HEATR3: variants seen among roughly 807,000 people sequenced by gnomAD.
HEATR3 encodes HEAT repeat containing 3, also known as HEAT repeat-containing protein 3.
HEATR3 carries 56 observed loss-of-function variants against 72.8 expected under a neutral mutation model. That is an observed-to-expected ratio of 0.77 (90% CI 0.62 to 0.96). HEATR3 has a LOEUF of 0.96. Among genes scored for constraint, HEATR3 ranks in the 40% least tolerant of loss-of-function variants. The pLI, the probability that HEATR3 is intolerant of heterozygous loss-of-function variation, is 0.00. For missense variants in HEATR3, 747 were observed against 831.4 expected (o/e 0.90, Z 1.25); for synonymous variants, 331 against 318.1 (o/e 1.04, Z -0.43).
chr16:50,104,987 C>T lies in HEATR3; in HGVS notation c.1969C>T (p.Leu657Phe), dbSNP rs1490615398. The change falls in exon 15 of 15, where the codon CTT becomes TTT. Residue 657 changes from leucine (L) to phenylalanine (F), a missense_variant. Coordinates refer to ENST00000299192, the MANE Select transcript of HEATR3 (RefSeq NM_182922.4). ...GNYSTDQLCV[L>F]DNVKMNLRRF... is the part of the protein sequence containing the mutation. ...CTATAGCACAGATCAGCTGTGTGTTCTTGACAATGTGAAAATGAATTTGCG... is the reference window on the plus strand; with the variant it reads ...CTATAGCACAGATCAGCTGTGTGTTTTTGACAATGTGAAAATGAATTTGCG... 2 of 1,612,636 alleles carry T rather than the reference C, an allele frequency of 1.2e-6. No individual in the cohort carries two copies. The highest frequency in any genetic ancestry group is 1.3e-5 in the African/African-American group (1 of 74,836).
At chr16:50,095,754 T>C (rs767186101) in intron 12 of HEATR3, among the ~76,000 whole-genome samples, 20 of 152,256 alleles carry the variant, frequency 1.3e-4, no homozygotes, top group Non-Finnish European at 2.2e-4. Context: ...ATTAGCGTCC[T>C]GTCATTCTTG....
At chr16:50,078,567 A>G (rs893980124) in intron 6 of HEATR3, among the ~76,000 whole-genome samples, 174 bp from the exon 7 acceptor site, 7 of 152,186 alleles carry the variant, frequency 4.6e-5, no homozygotes, top group Non-Finnish European at 8.8e-5. Flanking sequence ...GGTTATAACT[A>G]AGGGCACTGC....
At chr16:50,081,431 C>T (rs537278744) in intron 7 of HEATR3, among the ~76,000 whole-genome samples, 132 of 151,828 alleles carry the variant, frequency 8.7e-4, no homozygotes, top group Admixed American at 1.5e-3. Context: ...GGCAACTGAG[C>T]GAGACTCTGT....
intron 6 of HEATR3, among the ~76,000 whole-genome samples, chr16:50,076,488 T>A (rs1597145079): frequency 6.6e-6 from 1 of 152,004 alleles, no homozygotes; most frequent in Non-Finnish European, 1.5e-5. Context: ...GCGCCTGGCC[T>A]GTTTTTTTAT....
At chr16:50,085,852 A>G (rs1443847379) in intron 10 of HEATR3, among the ~76,000 whole-genome samples, 2 of 152,124 alleles carry the variant, frequency 1.3e-5, no homozygotes, top group Non-Finnish European at 2.9e-5. Context: ...CAACATAGCA[A>G]GACCCCTATC....
At chr16:50,100,742 T>C in intron 13 of HEATR3, 1 of 236,522 alleles carries the variant, frequency 4.2e-6, no homozygotes, top group South Asian at 5.4e-5. Context: ...ATCCACACCA[T>C]TTTCCTTGCA....
chr16:50,082,553 C>A (rs919864811), intron 7 of HEATR3, among the ~76,000 whole-genome samples: 1 of 148,948 alleles, frequency 6.7e-6, no homozygotes, highest in African/African-American at 2.5e-5. Context: ...CCCTGAGCTA[C>A]GTCTATTGAA....
intron 5 of HEATR3, chr16:50,074,665 A>G (rs2036683505): frequency 6.6e-6 from 1 of 151,644 alleles, no homozygotes; most frequent in African/African-American, 2.4e-5. Flanking sequence ...ATAAACATTT[A>G]TAGTAACGAC....
intron 6 of HEATR3, among the ~76,000 whole-genome samples, chr16:50,078,127 T>G (rs931386728): frequency 6.6e-6 from 1 of 152,122 alleles, no homozygotes; most frequent in Non-Finnish European, 1.5e-5. Flanking sequence ...TCCTCCCACC[T>G]TGGCCTCCCA....
intron 12 of HEATR3, among the ~76,000 whole-genome samples, chr16:50,095,856 T>C (rs2037223108): frequency 6.6e-6 from 1 of 152,214 alleles, no homozygotes; most frequent in South Asian, 2.1e-4. Context: ...TATTTTATTA[T>C]GTAGTTCAGT....
At chr16:50,104,059 CAA>C (rs1280913186) in intron 14 of HEATR3, among the ~76,000 whole-genome samples, 1 of 150,918 alleles carries the variant, frequency 6.6e-6, no homozygotes, top group Non-Finnish European at 1.5e-5. Context: ...AGCAAACAAA[CAA>C]AACCAGCGCT....
intron 7 of HEATR3, among the ~76,000 whole-genome samples, chr16:50,082,865 A>G (rs1053305685): frequency 1.3e-5 from 2 of 150,770 alleles, no homozygotes; most frequent in Non-Finnish European, 2.9e-5. Context: ...ATCTCGGCTC[A>G]CTGCAACCTC....
intron 12 of HEATR3, among the ~76,000 whole-genome samples, chr16:50,096,324 C>CAAAAAAAAAAA (rs59995532): frequency 1.2e-5 from 1 of 86,818 alleles, no homozygotes; most frequent in Non-Finnish European, 2.2e-5. Context: ...GACTCCGTCT[C>CAAAAAAAAAAA]AAAAAAAAAA....
intron 11 of HEATR3, among the ~76,000 whole-genome samples, chr16:50,094,357 G>A (rs1464636948): frequency 6.6e-6 from 1 of 152,198 alleles, no homozygotes; most frequent in Non-Finnish European, 1.5e-5. Flanking sequence ...GCACCCTGAT[G>A]GAGATCTATG....
At chr16:50,086,770 A>G (rs1300544757) in intron 11 of HEATR3, among the ~76,000 whole-genome samples, 2 of 152,084 alleles carry the variant, frequency 1.3e-5, no homozygotes, top group East Asian at 3.9e-4. Context: ...CTACTAAAAT[A>G]CAAAACTTTA....
chr16:50,102,562 C>G (rs903294970), intron 14 of HEATR3, 127 bp downstream of exon 14: 91 of 702,738 alleles, frequency 1.3e-4, no homozygotes, highest in Non-Finnish European at 2.0e-4. Context: ...CACAGCATCC[C>G]CAGTACTTTG....
In HEATR3 at chr16:50,102,320, A is replaced by G. The variant is rs1416653487; in HGVS notation, c.1805A>G (p.Glu602Gly). 6.2e-7 allele frequency: 1 copy of G among 1,613,960 alleles called. No homozygotes were observed. Among genetic ancestry groups the G allele is most frequent in the Non-Finnish European group, 8.5e-7 (1 of 1,179,994 alleles). The change falls in exon 14 of 15, where the codon GAA (glutamate) becomes GGA (glycine). Residue 602 changes from glutamate (E) to glycine (G), a missense_variant. Glu to Gly is a moderately conservative substitution (Grantham distance 98). Transcript: ENST00000299192. ...TKDPSLVVAG[E>G]ALDALFDVFA... ...GATCCTTCCCTTGTGGTAGCAGGAGAAGCTTTGGATGCCCTCTTTGATGTT... is the reference window on the plus strand; with the variant it reads ...GATCCTTCCCTTGTGGTAGCAGGAGGAGCTTTGGATGCCCTCTTTGATGTT...
rs565442164 is a variant in HEATR3 at position 50,086,269 on chromosome 16, C to G, written c.1428C>G (p.Leu476=). Residue 476 remains leucine, a synonymous_variant, in exon 11 of 15, where the codon CTC becomes CTG. Coordinates refer to ENST00000299192, the MANE Select transcript of HEATR3 (RefSeq NM_182922.4). ...TCTGTCTCCAGAGTCTTGTGTCCCTCCTGGATGTGGAGCACCTGGGAGGAG... is the reference window on the plus strand; with the variant it reads ...TCTGTCTCCAGAGTCTTGTGTCCCTGCTGGATGTGGAGCACCTGGGAGGAG... ...ALFCLQSLVS[L]LDVEHLGGAA... The G allele has an allele frequency of 1.3e-6, 2 of 1,584,548 alleles. No individual in the cohort carries two copies. The highest frequency in any genetic ancestry group is 1.1e-5 in the South Asian group (1 of 87,590).
intron 2 of HEATR3, among the ~76,000 whole-genome samples, chr16:50,067,771 A>T (rs1012626049): frequency 6.6e-6 from 1 of 152,202 alleles, no homozygotes; most frequent in African/African-American, 2.4e-5. Context: ...TCATTCACTG[A>T]TATAGCAAAT....
Sources: gnomAD v4.1 joint callset for allele counts (sites outside exome capture counted in the v4.1 genomes callset) on GRCh38, gnomAD v4.1.1 for gene constraint, MANE v1.5 for transcripts, NCBI Gene and HGNC (gene_info 2026-07-23, HGNC 2026-07-21) for gene names.